Variants in COL25A1 observed in about 807,000 individuals in gnomAD.
COL25A1 encodes the protein collagen alpha-1(XXV) chain.
In COL25A1, 103 loss-of-function variants were observed where a neutral mutation model predicts 128.4. The observed-to-expected ratio is 0.80, with a 90% CI of 0.68 to 0.94. The LOEUF is 0.94. Among genes scored for constraint, COL25A1 ranks in the 40% least tolerant of loss-of-function variants. The probability of loss-of-function intolerance (pLI) is 0.00; values close to 1 mark genes in which losing one functional copy is unlikely to be tolerated. For synonymous variants in COL25A1, 279 were observed against 277.2 expected (o/e 1.01, Z -0.06); for missense variants, 745 against 840.0 (o/e 0.89, Z 1.40).
chr4:109,271,119 A>G (rs1331000012), intron 3 of COL25A1, among the ~76,000 whole-genome samples: 6 of 152,194 alleles, frequency 3.9e-5, no homozygotes, highest in East Asian at 1.9e-4. Context: ...TGCTGCCTCA[A>G]TGGAAAATAA....
intron 3 of COL25A1, among the ~76,000 whole-genome samples, chr4:109,259,508 T>C (rs10006326): frequency 0.12 from 18,202 of 152,156 alleles, 2,967 homozygotes; most frequent in African/African-American, 0.37. Context: ...GGCATTTTCC[T>C]TTCCTACATC....
chr4:108,852,328 T>C, intron 25 of COL25A1, 48 bp from the exon 26 acceptor site: 1 of 1,362,406 alleles, frequency 7.3e-7, no homozygotes, highest in Non-Finnish European at 1.0e-6. Flanking sequence ...TTATATGTAT[T>C]AAAATTCATA....
chr4:108,973,204 G>A (rs996549044), intron 8 of COL25A1, among the ~76,000 whole-genome samples: 3 of 152,296 alleles, frequency 2.0e-5, no homozygotes, highest in East Asian at 3.9e-4. Context: ...GGTTATGAGA[G>A]TCTTATTTTA....
At chr4:109,173,289 T>C (rs1773766121) in intron 3 of COL25A1, among the ~76,000 whole-genome samples, 4 of 152,078 alleles carry the variant, frequency 2.6e-5, no homozygotes, top group African/African-American at 4.8e-5. Flanking sequence ...GGTCTCACTA[T>C]ATTGTCCAGG....
chr4:108,897,363 T>A (rs1742264120), intron 15 of COL25A1, among the ~76,000 whole-genome samples: 1 of 152,234 alleles, frequency 6.6e-6, no homozygotes, highest in Non-Finnish European at 1.5e-5. Context: ...CTCACTGACA[T>A]CTCTTTTCTG....
intron 5 of COL25A1, among the ~76,000 whole-genome samples, chr4:109,024,264 C>T (rs908240805): frequency 7.5e-5 from 8 of 105,994 alleles, no homozygotes; most frequent in African/African-American, 5.0e-4. Flanking sequence ...TTGGGACATA[C>T]ATAACCCCAT....
intron 3 of COL25A1, among the ~76,000 whole-genome samples, chr4:109,248,279 C>T (rs1230238304): frequency 6.6e-6 from 1 of 151,940 alleles, no homozygotes; most frequent in Non-Finnish European, 1.5e-5. Flanking sequence ...CTTTTTTAGA[C>T]TCTCAAACTT....
chr4:108,944,964 A>G (rs940193021), intron 8 of COL25A1, among the ~76,000 whole-genome samples: 4 of 152,162 alleles, frequency 2.6e-5, no homozygotes, highest in Admixed American at 6.5e-5. Context: ...CAAAGTAAAA[A>G]GGGGACATGT....
At chr4:108,990,923 G>GT (rs1229908100) in intron 6 of COL25A1, among the ~76,000 whole-genome samples, 1 of 152,098 alleles carries the variant, frequency 6.6e-6, no homozygotes, top group African/African-American at 2.4e-5. Flanking sequence ...CCTTCACCCT[G>GT]TATGTGTTTC....
At chr4:109,184,044 A>T (rs887661857) in intron 3 of COL25A1, among the ~76,000 whole-genome samples, 2 of 152,090 alleles carry the variant, frequency 1.3e-5, no homozygotes, top group Admixed American at 6.6e-5. Context: ...CTTGGAGAAT[A>T]CAATGTTGTT....
chr4:108,952,283 C>A (rs1749523345), intron 8 of COL25A1, among the ~76,000 whole-genome samples: 1 of 151,674 alleles, frequency 6.6e-6, no homozygotes, highest in Non-Finnish European at 1.5e-5. Flanking sequence ...TAAATAAGCA[C>A]ATTTATAATT....
intron 3 of COL25A1, among the ~76,000 whole-genome samples, chr4:109,262,186 T>C (rs945431359): frequency 2.6e-5 from 4 of 152,106 alleles, no homozygotes; most frequent in Admixed American, 6.5e-5. Context: ...TTACCTACTA[T>C]ATGTTTAAAT....
At chr4:109,121,896 G>T (rs1207167378) in intron 3 of COL25A1, among the ~76,000 whole-genome samples, 3 of 151,992 alleles carry the variant, frequency 2.0e-5, no homozygotes, top group East Asian at 3.9e-4. Flanking sequence ...TAGGTGAAAG[G>T]ATAAACTGTG....
At position 108,880,409 on chromosome 4, in the gene COL25A1, T is replaced by C. The variant is rs565200203; in HGVS notation, c.1020+3769A>G. Among the ~76,000 whole-genome samples the C allele has an allele frequency of 6.6e-5, 10 of 152,320 alleles. No homozygotes were observed. The East Asian group carries it at 1.9e-3, about 29-fold the overall frequency. On this transcript the variant is annotated intron_variant, in intron 19 of 37. Coordinates refer to ENST00000399132, the MANE Select transcript of COL25A1 (RefSeq NM_198721.4). ...CATCGCTGCAAAGGAGTTTTCAGAA[T>C]TTATATTTACTAACCTACAGAGTAT...
intron 3 of COL25A1, among the ~76,000 whole-genome samples, chr4:109,099,843 T>C (rs1275340738): frequency 6.6e-6 from 1 of 152,058 alleles, no homozygotes; most frequent in Non-Finnish European, 1.5e-5. Context: ...AAAAGGCCAA[T>C]AGACATATTT....
intron 3 of COL25A1, among the ~76,000 whole-genome samples, chr4:109,083,351 T>G (rs925319471): frequency 6.6e-6 from 1 of 151,976 alleles, no homozygotes; most frequent in African/African-American, 2.4e-5. Context: ...CATAACAATT[T>G]TATTACTCCA....
At chr4:109,196,621 A>G (rs1398782448) in intron 3 of COL25A1, among the ~76,000 whole-genome samples, 1 of 152,198 alleles carries the variant, frequency 6.6e-6, no homozygotes, top group African/African-American at 2.4e-5. Context: ...TTGTCCAGCT[A>G]AAATTTAGTG....
chr4:109,134,661 GT>G (rs1216808618), intron 3 of COL25A1, among the ~76,000 whole-genome samples: 2 of 152,156 alleles, frequency 1.3e-5, no homozygotes, highest in African/African-American at 4.8e-5. Flanking sequence ...AAAGGAGTGA[GT>G]GATGGGGAAA....
intron 13 of COL25A1, among the ~76,000 whole-genome samples, chr4:108,909,553 G>T (rs555059128): frequency 2.0e-5 from 3 of 152,180 alleles, no homozygotes; most frequent in Admixed American, 6.5e-5. Context: ...AAATAAGTCT[G>T]CTAGTTAACA....
Sources: gnomAD v4.1 joint callset for allele counts (sites outside exome capture counted in the v4.1 genomes callset) on GRCh38, gnomAD v4.1.1 for gene constraint, MANE v1.5 for transcripts, NCBI Gene and HGNC (gene_info 2026-07-23, HGNC 2026-07-21) for gene names.